KIF1B: variants seen among roughly 807,000 people sequenced by gnomAD.
KIF1B encodes the protein kinesin-like protein KIF1B.
KIF1B carries 76 observed loss-of-function variants against 241.9 expected under a neutral mutation model. The observed-to-expected ratio is 0.31, with a 90% CI of 0.26 to 0.38. KIF1B has a LOEUF of 0.38. Ranked by LOEUF, KIF1B falls within the 10% of genes least tolerant of loss-of-function variation. KIF1B has a pLI of 1.00. For missense variants in KIF1B, 1,622 were observed against 2,271.4 expected (o/e 0.71, Z 5.81); for synonymous variants, 750 against 796.7 (o/e 0.94, Z 0.99).
chr1:10,243,698 C>T (rs917157809), intron 2 of KIF1B, among the ~76,000 whole-genome samples: 2 of 152,184 alleles, frequency 1.3e-5, no homozygotes, highest in African/African-American at 2.4e-5. Context: ...GAGCATATCA[C>T]CTCTCACAAT....
intron 25 of KIF1B, 59 bp downstream of exon 25, chr1:10,324,121 A>C: frequency 9.4e-7 from 1 of 1,065,998 alleles, no homozygotes; most frequent in Non-Finnish European, 1.4e-6. Flanking sequence ...TGACCTGCTC[A>C]AGTGAGCTCC....
chr1:10,327,355 G>T (rs1235967870), intron 27 of KIF1B, among the ~76,000 whole-genome samples: 1 of 152,008 alleles, frequency 6.6e-6, no homozygotes, highest in East Asian at 1.9e-4. Context: ...CAAAAAATTA[G>T]CCGGGCATGG....
chr1:10,322,536 C>G (rs929344642), intron 24 of KIF1B, among the ~76,000 whole-genome samples: 2 of 152,204 alleles, frequency 1.3e-5, no homozygotes, highest in African/African-American at 4.8e-5. Flanking sequence ...ATTCAGTCTT[C>G]TGTATGCCCC....
At chr1:10,253,229 T>A (rs968148229) in intron 2 of KIF1B, among the ~76,000 whole-genome samples, 1 of 152,192 alleles carries the variant, frequency 6.6e-6, no homozygotes, top group South Asian at 2.1e-4. Context: ...GCATCCTGAA[T>A]CTGCCACTAG....
intron 14 of KIF1B, among the ~76,000 whole-genome samples, chr1:10,279,456 GCATAA>G (rs1649291990): frequency 1.3e-5 from 2 of 152,116 alleles, no homozygotes. Flanking sequence ...TACTGATTTT[GCATAA>G]TATGCCAGGC....
chr1:10,232,178 T>C, intron 1 of KIF1B, 72 bp from the exon 2 acceptor site: 1 of 638,016 alleles, frequency 1.6e-6, no homozygotes, highest in Non-Finnish European at 2.8e-6. Flanking sequence ...AAGATAGTAG[T>C]TCTTATGCTT....
At position 10,210,716 on chromosome 1, in the gene KIF1B, G is replaced by C. The variant is rs533237549; in HGVS notation, c.-242G>C. 3.7e-4 allele frequency: 56 copies of C among 151,310 alleles called. No homozygotes were observed. The highest frequency in any genetic ancestry group is 1.3e-3 in the African/African-American group (55 of 41,448). The allele number at this position is 151,310 out of a possible 1,614,324, so 9.4% of individuals were successfully genotyped here. A position where few individuals can be genotyped will look rare whatever the true frequency, so the allele number is the denominator to read the frequency against. ...CCGCCCACCGCCCACCTCCCACCTC[G>C]ATGCGGTGCCGGGCTGCTGCGTGAT... On this transcript the variant is annotated 5_prime_UTR_variant, in exon 1 of 49. Transcript: ENST00000676179. The surrounding 1 kb of genome is among the most constrained non-coding windows in gnomAD (Gnocchi z 4.1).
intron 1 of KIF1B, among the ~76,000 whole-genome samples, chr1:10,216,773 A>G (rs1646772271): frequency 6.6e-6 from 1 of 152,024 alleles, no homozygotes; most frequent in Admixed American, 6.6e-5. Context: ...AAAAAAGGGC[A>G]TGAACTCCCT....
intron 2 of KIF1B, among the ~76,000 whole-genome samples, chr1:10,254,983 C>G (rs1647694287): frequency 6.6e-6 from 1 of 150,530 alleles, no homozygotes; most frequent in Non-Finnish European, 1.5e-5. Context: ...AAGTCTTACT[C>G]TGTCACCCAG....
intron 1 of KIF1B, among the ~76,000 whole-genome samples, chr1:10,211,902 AGTAGCC>A (rs1489754796): frequency 6.6e-6 from 1 of 152,188 alleles, no homozygotes; most frequent in Non-Finnish European, 1.5e-5. Context: ...GGAGGCCTCG[AGTAGCC>A]GTAGAGCATT....
chr1:10,319,990 T>C, intron 22 of KIF1B, 53 bp from the exon 23 acceptor site: 1 of 1,167,996 alleles, frequency 8.6e-7, no homozygotes, highest in Non-Finnish European at 1.3e-6. Flanking sequence ...TCTCTTTCCC[T>C]GCCCTCTTAT....
At chr1:10,285,071 T>C (rs181932575) in intron 15 of KIF1B, among the ~76,000 whole-genome samples, 2 of 152,278 alleles carry the variant, frequency 1.3e-5, no homozygotes, top group South Asian at 2.1e-4. Context: ...GTGGTAAGAC[T>C]CCATTCACAC....
intron 22 of KIF1B, among the ~76,000 whole-genome samples, chr1:10,298,323 G>T (rs1453898894): frequency 6.6e-6 from 1 of 152,160 alleles, no homozygotes; most frequent in Admixed American, 6.5e-5. Context: ...AGAAGAAGGG[G>T]CTTAGTGCTA....
chr1:10,259,764 T>C (rs776337286), intron 4 of KIF1B, among the ~76,000 whole-genome samples: 4 of 151,824 alleles, frequency 2.6e-5, no homozygotes, highest in Non-Finnish European at 5.9e-5. Flanking sequence ...CCTCCCAAAG[T>C]GCAGGGATTG....
intron 2 of KIF1B, among the ~76,000 whole-genome samples, chr1:10,237,037 C>T (rs1333654537): frequency 6.6e-6 from 1 of 152,104 alleles, no homozygotes; most frequent in African/African-American, 2.4e-5. Context: ...CATAAACTCT[C>T]TTATGAAAAA....
Position 10,337,115 on chromosome 1 carries a change from C to G in KIF1B, c.3171C>G (p.Ser1057=). ...TTGCAATGACTCGTTCTGGTCTGTCCTTGGAGGAGTTGAGGATTGTGGAAG... is the reference window on the plus strand; with the variant it reads ...TTGCAATGACTCGTTCTGGTCTGTCGTTGGAGGAGTTGAGGATTGTGGAAG... ...SSVAMTRSGL[S]LEELRIVEGQ... The change falls in exon 30 of 49, where the codon TCC becomes TCG. Residue 1057 remains serine, a synonymous_variant. Transcript: ENST00000676179. The surrounding 1 kb of genome is among the most constrained non-coding windows in gnomAD (Gnocchi z 4.0). The G allele has an allele frequency of 6.2e-7, 1 of 1,614,112 alleles. No individual in the cohort carries two copies. The highest frequency in any genetic ancestry group is 1.3e-5 in the African/African-American group (1 of 75,022).
chr1:10,252,191 C>T (rs1046695218), intron 2 of KIF1B, among the ~76,000 whole-genome samples: 11 of 152,158 alleles, frequency 7.2e-5, no homozygotes, highest in African/African-American at 2.4e-4. Context: ...AGGTGCGTGC[C>T]ACCATGCCTC....
intron 22 of KIF1B, among the ~76,000 whole-genome samples, chr1:10,316,505 G>A (rs1651311824): frequency 6.6e-6 from 1 of 151,362 alleles, no homozygotes; most frequent in African/African-American, 2.5e-5. Flanking sequence ...TGTTGCTATT[G>A]TTGTTGTTTT....
chr1:10,250,375 G>A (rs1647370794), intron 2 of KIF1B, among the ~76,000 whole-genome samples: 1 of 146,308 alleles, frequency 6.8e-6, no homozygotes, highest in Admixed American at 6.9e-5. Flanking sequence ...GCCTCGCTCT[G>A]TTGCCCAGGG....
Sources: allele counts gnomAD v4.1 joint callset (sites outside exome capture counted in the v4.1 genomes callset), GRCh38; gene constraint gnomAD v4.1.1; non-coding constraint Gnocchi (gnomAD v3.1); transcripts MANE v1.5; gene names NCBI Gene and HGNC (gene_info 2026-07-23, HGNC 2026-07-21).